The following PCCA variants were observed in gnomAD, a reference collection of about 807,000 sequenced individuals.
PCCA encodes propionyl-CoA carboxylase subunit alpha.
In PCCA, 74 loss-of-function variants were observed where a neutral mutation model predicts 101.3. That is an observed-to-expected ratio of 0.73 (90% CI 0.61 to 0.89). PCCA has a LOEUF of 0.89. PCCA is among the 40% of genes least tolerant of loss of function. PCCA has a pLI of 0.00. For missense variants in PCCA, 891 were observed against 907.0 expected (o/e 0.98, Z 0.23); for synonymous variants, 294 against 313.6 (o/e 0.94, Z 0.66).
chr13:100,238,850 G>T (rs1812085104), intron 8 of PCCA, among the ~76,000 whole-genome samples: 1 of 152,200 alleles, frequency 6.6e-6, no homozygotes, highest in Non-Finnish European at 1.5e-5. Flanking sequence ...ATGTGAAAAT[G>T]TGTTCCTAGT....
At chr13:100,223,680 G>A (rs989232932) in intron 7 of PCCA, among the ~76,000 whole-genome samples, 2 of 151,898 alleles carry the variant, frequency 1.3e-5, no homozygotes, top group Non-Finnish European at 2.9e-5. Flanking sequence ...TCTCTTATCC[G>A]GCCCCACCCA....
At chr13:100,495,768 C>T (rs1023192214) in intron 21 of PCCA, among the ~76,000 whole-genome samples, 1 of 152,146 alleles carries the variant, frequency 6.6e-6, no homozygotes, top group African/African-American at 2.4e-5. Context: ...GCTTTTAATC[C>T]TACACTTATT....
intron 21 of PCCA, among the ~76,000 whole-genome samples, chr13:100,486,246 A>G (rs1337717960): frequency 1.3e-5 from 2 of 152,240 alleles, no homozygotes; most frequent in Non-Finnish European, 2.9e-5. Flanking sequence ...TCTATCAACC[A>G]ATCCCAGAGA....
chr13:100,497,257 G>A lies in PCCA; in HGVS notation c.1900-18170G>A, dbSNP rs1044728457. Among the ~76,000 whole-genome samples, 12 of 152,248 alleles carry A rather than the reference G, an allele frequency of 7.9e-5. No homozygotes were observed. The East Asian group carries it at 2.3e-3, about 29-fold the overall frequency. On this transcript the variant is annotated intron_variant, in intron 21 of 23. Coordinates refer to ENST00000376285, the MANE Select transcript of PCCA (RefSeq NM_000282.4). ...ATAAAAATCATCTTTGCAAAAAATT[G>A]TCACTTCTTTTTCTTTCACTTTTTT...
chr13:100,178,491 A>G (rs1455363963), intron 6 of PCCA, among the ~76,000 whole-genome samples: 3 of 152,212 alleles, frequency 2.0e-5, no homozygotes, highest in Non-Finnish European at 4.4e-5. Context: ...CCCCCTACTG[A>G]CAAATCCCAA....
At chr13:100,141,413 G>GTATT (rs1156350650) in intron 4 of PCCA, among the ~76,000 whole-genome samples, 2 of 151,154 alleles carry the variant, frequency 1.3e-5, no homozygotes, top group African/African-American at 2.5e-5. Flanking sequence ...ATTTATTTAT[G>GTATT]TATTTATTTA....
chr13:100,318,970 A>G (rs1039075562), intron 16 of PCCA, among the ~76,000 whole-genome samples: 22 of 152,158 alleles, frequency 1.4e-4, no homozygotes, highest in Non-Finnish European at 2.5e-4. Context: ...AAGTGTTCCT[A>G]TTTCTCCACA....
At chr13:100,244,042 G>C (rs767485085) in intron 8 of PCCA, among the ~76,000 whole-genome samples, 6 of 152,080 alleles carry the variant, frequency 3.9e-5, no homozygotes, top group Non-Finnish European at 8.8e-5. Flanking sequence ...AGGTTATATG[G>C]AAGAAACCTT....
At chr13:100,262,881 T>G in intron 10 of PCCA, 50 bp downstream of exon 10, 1 of 785,432 alleles carries the variant, frequency 1.3e-6, no homozygotes, top group Non-Finnish European at 2.2e-6. Context: ...ATAATATCAT[T>G]TAATCCTATT....
intron 14 of PCCA, among the ~76,000 whole-genome samples, chr13:100,306,188 A>G (rs2066433135): frequency 6.6e-6 from 1 of 152,224 alleles, no homozygotes; most frequent in Non-Finnish European, 1.5e-5. Flanking sequence ...TGCTGCAGAC[A>G]GATGAGCTGC....
chr13:100,313,276 T>C (rs2067073087), intron 16 of PCCA, among the ~76,000 whole-genome samples: 1 of 152,230 alleles, frequency 6.6e-6, no homozygotes, highest in Non-Finnish European at 1.5e-5. Flanking sequence ...AACTGGATTT[T>C]TCTTGCCTGC....
At chr13:100,149,664 T>C (rs1010759027) in intron 4 of PCCA, 13 of 152,214 alleles carry the variant, frequency 8.5e-5, no homozygotes, top group African/African-American at 2.9e-4. Flanking sequence ...GTGTCTTGCA[T>C]TGAAGGACAT....
At chr13:100,460,527 A>G (rs1391325743) in intron 21 of PCCA, among the ~76,000 whole-genome samples, 1 of 152,218 alleles carries the variant, frequency 6.6e-6, no homozygotes, top group Non-Finnish European at 1.5e-5. Context: ...GTATCTTTGA[A>G]GCTTAGCCAG....
At chr13:100,220,899 C>G (rs1032447775) in intron 7 of PCCA, among the ~76,000 whole-genome samples, 1 of 152,208 alleles carries the variant, frequency 6.6e-6, no homozygotes, top group East Asian at 1.9e-4. Flanking sequence ...GGTTGGCCAT[C>G]TCTAACTGCA....
At chr13:100,199,967 G>A (rs1333558215) in intron 6 of PCCA, among the ~76,000 whole-genome samples, 1 of 152,052 alleles carries the variant, frequency 6.6e-6, no homozygotes, top group Non-Finnish European at 1.5e-5. Context: ...GTTCCTCTTT[G>A]GTCCGTGGGG....
chr13:100,472,694 G>C (rs950079223), intron 21 of PCCA, among the ~76,000 whole-genome samples: 1 of 152,018 alleles, frequency 6.6e-6, no homozygotes, highest in African/African-American at 2.4e-5. Flanking sequence ...CTATTTGCCT[G>C]GTATCTGGCC....
intron 22 of PCCA, among the ~76,000 whole-genome samples, chr13:100,521,120 C>T (rs1018977070): frequency 6.6e-6 from 1 of 152,178 alleles, no homozygotes; most frequent in Non-Finnish European, 1.5e-5. Flanking sequence ...GGCTTTGGCT[C>T]TGATTTTGAG....
chr13:100,134,268 G>A (rs1445501922), intron 4 of PCCA, among the ~76,000 whole-genome samples: 2 of 152,126 alleles, frequency 1.3e-5, no homozygotes, highest in Non-Finnish European at 2.9e-5. Context: ...TCATTCATCT[G>A]TGTCTATTCC....
intron 19 of PCCA, among the ~76,000 whole-genome samples, chr13:100,375,248 C>T (rs905068560): frequency 6.6e-6 from 1 of 152,142 alleles, no homozygotes; most frequent in Non-Finnish European, 1.5e-5. Flanking sequence ...GTTACGATTT[C>T]CATTCTTTTG....
Sources: allele counts gnomAD v4.1 joint callset (sites outside exome capture counted in the v4.1 genomes callset), GRCh38; gene constraint gnomAD v4.1.1; transcripts MANE v1.5; gene names NCBI Gene and HGNC (gene_info 2026-07-23, HGNC 2026-07-21).